ARK2N: variants seen among roughly 807,000 people sequenced by gnomAD.
ARK2N encodes the protein protein ARK2N.
chr18:46,216,000 A>G, the ARK2N span: 1 of 1,614,140 alleles, frequency 6.2e-7, no homozygotes, highest in Non-Finnish European at 8.5e-7. Flanking sequence ...TGGAATCTCA[A>G]GTTCAGAAAG....
the ARK2N span, among the ~76,000 whole-genome samples, chr18:46,222,709 T>C: frequency 6.6e-6 from 1 of 152,210 alleles, no homozygotes; most frequent in Non-Finnish European, 1.5e-5. Flanking sequence ...TGTTTTTTAA[T>C]AGATTTTGCT....
chr18:46,181,682 T>A, the ARK2N span, among the ~76,000 whole-genome samples: 1 of 152,024 alleles, frequency 6.6e-6, no homozygotes, highest in African/African-American at 2.4e-5. Context: ...GCCACTGCAC[T>A]CCAGCCTGGG....
the ARK2N span, among the ~76,000 whole-genome samples, chr18:46,248,608 A>G: frequency 1.3e-5 from 2 of 151,744 alleles, no homozygotes; most frequent in Non-Finnish European, 2.9e-5. Context: ...TTTGAGACGG[A>G]GTCTTGCTCT....
chr18:46,231,071 T>G, the ARK2N span, among the ~76,000 whole-genome samples: 1 of 152,196 alleles, frequency 6.6e-6, no homozygotes, highest in Non-Finnish European at 1.5e-5. Context: ...ATCATATTGA[T>G]TGTACTTTTT....
chr18:46,214,758 A>G, the ARK2N span, among the ~76,000 whole-genome samples: 1 of 152,224 alleles, frequency 6.6e-6, no homozygotes, highest in Non-Finnish European at 1.5e-5. Context: ...TTATTCATTC[A>G]TAGAATATAC....
the ARK2N span, among the ~76,000 whole-genome samples, chr18:46,205,107 C>T: frequency 6.6e-6 from 1 of 152,034 alleles, no homozygotes; most frequent in African/African-American, 2.4e-5. Context: ...GGGTTTTTAC[C>T]ATGTTGCCCA....
chr18:46,253,130 C>T, the ARK2N span, among the ~76,000 whole-genome samples: 1 of 152,202 alleles, frequency 6.6e-6, no homozygotes, highest in Non-Finnish European at 1.5e-5. Flanking sequence ...TTTGTCAAAT[C>T]TATGTTTCTT....
At chr18:46,241,930 C>A in the ARK2N span, among the ~76,000 whole-genome samples, 2 of 152,122 alleles carry the variant, frequency 1.3e-5, no homozygotes, top group South Asian at 2.1e-4. Flanking sequence ...GATTCTCCTG[C>A]CTCAGGCTCC....
the ARK2N span, among the ~76,000 whole-genome samples, chr18:46,211,300 C>T: frequency 6.6e-6 from 1 of 152,126 alleles, no homozygotes; most frequent in African/African-American, 2.4e-5. Flanking sequence ...CCCTGACCCC[C>T]TGGGCTCAAG....
At chr18:46,192,880 T>C in the ARK2N span, among the ~76,000 whole-genome samples, 1 of 81,598 alleles carries the variant, frequency 1.2e-5, no homozygotes, top group African/African-American at 3.8e-5. Flanking sequence ...GCTGAGACTG[T>C]CTCAAAAAAA....
the ARK2N span, chr18:46,240,121 G>A: frequency 6.2e-7 from 1 of 1,614,218 alleles, no homozygotes; most frequent in African/African-American, 1.3e-5. Context: ...TAATTCTGTA[G>A]GCGGCCAGGA....
chr18:46,247,397 G>A, the ARK2N span, among the ~76,000 whole-genome samples: 60 of 152,236 alleles, frequency 3.9e-4, no homozygotes, highest in African/African-American at 1.4e-3. Context: ...TTATAAATTA[G>A]AACGATGGTT....
At chr18:46,200,979 CTTTTTTTTTTTT>C in the ARK2N span, among the ~76,000 whole-genome samples, 33 of 112,856 alleles carry the variant, frequency 2.9e-4, no homozygotes, top group Middle Eastern at 4.5e-3. Context: ...TTTCTTTTTT[CTTTTTTTTTTTT>C]TTTTTTGAGA....
the ARK2N span, among the ~76,000 whole-genome samples, chr18:46,181,634 G>T: frequency 2.0e-5 from 3 of 152,090 alleles, no homozygotes; most frequent in Non-Finnish European, 2.9e-5. Flanking sequence ...AGAATGGCAT[G>T]AACCCAGGAG....
chr18:46,211,190 G>A, the ARK2N span, among the ~76,000 whole-genome samples: 1 of 152,126 alleles, frequency 6.6e-6, no homozygotes, highest in Admixed American at 6.5e-5. Flanking sequence ...GGTAATAAAT[G>A]TTCCACTGGT....
the ARK2N span, chr18:46,216,180 T>C: frequency 6.2e-7 from 1 of 1,613,950 alleles, no homozygotes; most frequent in Admixed American, 1.7e-5. The surrounding 1 kb of genome is among the most constrained non-coding windows in gnomAD (Gnocchi z 4.3). Flanking sequence ...CTTCCTCTAG[T>C]GGTCACCTGG....
the ARK2N span, among the ~76,000 whole-genome samples, chr18:46,252,431 T>C: frequency 6.6e-6 from 1 of 151,902 alleles, no homozygotes; most frequent in Non-Finnish European, 1.5e-5. Context: ...CATGCCACCA[T>C]GCCCAGCTAA....
the ARK2N span, chr18:46,228,702 C>T: frequency 3.9e-4 from 155 of 397,572 alleles, no homozygotes; most frequent in African/African-American, 2.9e-3. Context: ...CCTCCCGCCT[C>T]AGCCTCCCAA....
chr18:46,204,317 G>A, the ARK2N span, among the ~76,000 whole-genome samples: 1 of 152,148 alleles, frequency 6.6e-6, no homozygotes, highest in Non-Finnish European at 1.5e-5. Flanking sequence ...CCCAGTCCTA[G>A]ATTGCAAGGG....
Sources: allele counts gnomAD v4.1 joint callset (sites outside exome capture counted in the v4.1 genomes callset), GRCh38; gene constraint gnomAD v4.1.1; non-coding constraint Gnocchi (gnomAD v3.1); transcripts MANE v1.5; gene names NCBI Gene and HGNC (gene_info 2026-07-23, HGNC 2026-07-21).